The following COPZ1 variants were observed in gnomAD, a reference collection of about 807,000 sequenced individuals.
The protein encoded by COPZ1 is coatomer subunit zeta-1.
COPZ1 carries 4 observed loss-of-function variants against 31.7 expected under a neutral mutation model. That is an observed-to-expected ratio of 0.13 (90% CI 0.06 to 0.29). The LOEUF is 0.29. Among genes scored for constraint, COPZ1 ranks in the 10% least tolerant of loss-of-function variants. The probability of loss-of-function intolerance (pLI) is 1.00; values close to 1 mark genes in which losing one functional copy is unlikely to be tolerated. For synonymous variants in COPZ1, 74 were observed against 79.0 expected (o/e 0.94, Z 0.33); for missense variants, 156 against 211.5 (o/e 0.74, Z 1.63).
chr12:54,332,068 G>A (rs1953766415), intron 1 of COPZ1, among the ~76,000 whole-genome samples: 1 of 152,194 alleles, frequency 6.6e-6, no homozygotes, highest in Non-Finnish European at 1.5e-5. Flanking sequence ...GCTCACGCCT[G>A]TAATCCAGCA....
Position 54,351,130 on chromosome 12 carries a change from G to A in COPZ1, c.*607G>A, listed in dbSNP as rs1136765. The A allele has an allele frequency of 0.15, 23,344 of 156,706 alleles. 1,936 individuals carry two copies. The highest frequency in any genetic ancestry group is 0.22 in the East Asian group (1,177 of 5,322). The allele number at this position is 156,706 out of a possible 1,614,324, so 9.7% of individuals were successfully genotyped here. ...GAAGGGACAACATGGAAGAAACAGC[G>A]ATTTAAATTGTATTGAACAGGGCAT... is the stretch of plus-strand genomic sequence containing the variant. On this transcript the variant is annotated 3_prime_UTR_variant, in exon 9 of 9. Coordinates refer to ENST00000262061, the MANE Select transcript of COPZ1 (RefSeq NM_016057.3).
rs1296897212 is a variant in COPZ1, at chr12:54,350,738, C to A, written c.*215C>A. On this transcript the variant is annotated 3_prime_UTR_variant, in exon 9 of 9. Transcript: ENST00000262061. ...GCAGTTCTGGGAGTAAAGCTCCCAG[C>A]ATATTTAGATAATAGGGCAGGGGAA... 1 of 591,448 alleles carries A rather than the reference C, an allele frequency of 1.7e-6. No individual in the cohort carries two copies. Among genetic ancestry groups the A allele is most frequent in the East Asian group, 2.8e-5 (1 of 35,830 alleles). The allele number at this position is 591,448 out of a possible 1,614,324, so 36.6% of individuals were successfully genotyped here.
intron 1 of COPZ1, among the ~76,000 whole-genome samples, chr12:54,330,663 G>T (rs115988512): frequency 7.7e-4 from 118 of 152,328 alleles, no homozygotes; most frequent in African/African-American, 2.7e-3. Flanking sequence ...GTATTTGACG[G>T]AGCCTAGTGG....
At chr12:54,337,589 G>A (rs144648362) in intron 1 of COPZ1, among the ~76,000 whole-genome samples, 8 of 152,338 alleles carry the variant, frequency 5.3e-5, no homozygotes, top group African/African-American at 1.9e-4. Flanking sequence ...ACTCCTGAGA[G>A]GTAAAAGCCC....
chr12:54,340,634 T>C lies in COPZ1; in HGVS notation c.87+19T>C, dbSNP rs752819987. 1 of 1,611,760 alleles carries C rather than the reference T, an allele frequency of 6.2e-7. No individual in the cohort carries two copies. Among genetic ancestry groups the C allele is most frequent in the South Asian group, 1.1e-5 (1 of 90,728 alleles). On this transcript the variant is annotated intron_variant, in intron 2 of 8. Coordinates refer to ENST00000262061, the MANE Select transcript of COPZ1 (RefSeq NM_016057.3). ...TGCCAAGGTGAGATTCCCTTTCGAA[T>C]TAGTTTAGGAACAGCACAAAGGTTT... is the stretch of plus-strand genomic sequence containing the variant.
At chr12:54,342,052 T>G (rs1344592056) in intron 2 of COPZ1, among the ~76,000 whole-genome samples, 154 bp from the exon 3 acceptor site, 1 of 152,216 alleles carries the variant, frequency 6.6e-6, no homozygotes, top group African/African-American at 2.4e-5. Context: ...GCCCATTCTC[T>G]GCCTCTACAA....
At chr12:54,331,726 G>T (rs1401258284) in intron 1 of COPZ1, among the ~76,000 whole-genome samples, 2 of 152,104 alleles carry the variant, frequency 1.3e-5, no homozygotes, top group East Asian at 3.9e-4. Context: ...GCAGGGAGAT[G>T]TGGGGGGGAG....
chr12:54,340,412 G>C (rs1348292838), intron 1 of COPZ1, 135 bp from the exon 2 acceptor site: 4 of 1,403,780 alleles, frequency 2.8e-6, no homozygotes, highest in Non-Finnish European at 3.8e-6. Context: ...ATCAAAATCT[G>C]ACCAAGTTGA....
At chr12:54,341,985 G>T (rs756638063) in intron 2 of COPZ1, among the ~76,000 whole-genome samples, 76 of 152,226 alleles carry the variant, frequency 5.0e-4, no homozygotes, top group Non-Finnish European at 9.4e-4. Context: ...TCTTGGAAAT[G>T]TGAGGTGGGG....
intron 5 of COPZ1, among the ~76,000 whole-genome samples, chr12:54,346,388 C>T (rs1954063484): frequency 6.6e-6 from 1 of 151,668 alleles, no homozygotes; most frequent in Non-Finnish European, 1.5e-5. Flanking sequence ...CTGCCTCAGC[C>T]TCCCGAGTAG....
At chr12:54,339,601 C>T (rs1953935972) in intron 1 of COPZ1, among the ~76,000 whole-genome samples, 1 of 152,100 alleles carries the variant, frequency 6.6e-6, no homozygotes, top group African/African-American at 2.4e-5. Context: ...CCTGCCTCAG[C>T]CTCCTGCGAT....
Position 54,333,488 on chromosome 12 carries a change from TGAA to T in COPZ1, c.19-7054_19-7052del, listed in dbSNP as rs1353059694. 2.0e-5 allele frequency among the ~76,000 whole-genome samples: 3 copies of T among 152,198 alleles called. No homozygotes were observed. The East Asian group carries it at 5.8e-4, about 29-fold the overall frequency. ...TAGGTCAAGCCTCTCATTTCTCTGA[TGAA>T]GAAGCTGAATCTCAGAGAAAGGGAA... On this transcript the variant is annotated intron_variant, in intron 1 of 8. Coordinates refer to ENST00000262061, the MANE Select transcript of COPZ1 (RefSeq NM_016057.3).
chr12:54,339,941 C>A (rs1353607870), intron 1 of COPZ1, among the ~76,000 whole-genome samples: 1 of 148,860 alleles, frequency 6.7e-6, no homozygotes, highest in Non-Finnish European at 1.5e-5. Context: ...TTGAAGATGG[C>A]TGTTTTACTA....
chr12:54,339,436 C>T (rs1000853006), intron 1 of COPZ1, among the ~76,000 whole-genome samples: 18 of 152,164 alleles, frequency 1.2e-4, no homozygotes, highest in African/African-American at 4.3e-4. Context: ...TGGTCTTAAA[C>T]TCCTGGGCTC....
intron 1 of COPZ1, among the ~76,000 whole-genome samples, chr12:54,335,440 G>C (rs1227372710): frequency 6.8e-6 from 1 of 146,034 alleles, no homozygotes; most frequent in Non-Finnish European, 1.5e-5. Context: ...CTGAAGTCTT[G>C]CTCTGTCGCC....
intron 1 of COPZ1, among the ~76,000 whole-genome samples, chr12:54,328,707 A>C (rs1953704231): frequency 6.6e-6 from 1 of 152,226 alleles, no homozygotes; most frequent in Non-Finnish European, 1.5e-5. Flanking sequence ...CTGCATTCAC[A>C]GATCCCTGCT....
intron 7 of COPZ1, among the ~76,000 whole-genome samples, chr12:54,348,999 T>C (rs993341900): frequency 1.3e-5 from 2 of 152,112 alleles, no homozygotes; most frequent in African/African-American, 4.8e-5. Context: ...ATGTCCTGGC[T>C]CTGACCTCCA....
intron 1 of COPZ1, among the ~76,000 whole-genome samples, chr12:54,337,946 C>A (rs1370826132): frequency 6.6e-6 from 1 of 152,198 alleles, no homozygotes. Flanking sequence ...AAGAGCAGAA[C>A]CCAGGGATAT....
intron 8 of COPZ1, chr12:54,350,189 C>A: frequency 1.4e-6 from 1 of 690,556 alleles, no homozygotes; most frequent in South Asian, 1.5e-5. Flanking sequence ...GCCCCCTGCC[C>A]GCCGCCCCTT....
Sources: gnomAD v4.1 joint callset for allele counts (sites outside exome capture counted in the v4.1 genomes callset) on GRCh38, gnomAD v4.1.1 for gene constraint, MANE v1.5 for transcripts, NCBI Gene and HGNC (gene_info 2026-07-23, HGNC 2026-07-21) for gene names.